Variants in IGF1R observed in about 807,000 individuals in gnomAD.
The protein encoded by IGF1R is insulin like growth factor 1 receptor.
Under a neutral mutation model 144.6 loss-of-function variants are expected in IGF1R, and 44 were observed. The ratio of observed to expected loss-of-function variants is 0.30; its 90% CI spans 0.24 to 0.39. The LOEUF is 0.39. IGF1R is among the 10% of genes least tolerant of loss of function. The pLI, the probability that IGF1R is intolerant of heterozygous loss-of-function variation, is 1.00. For synonymous variants in IGF1R, 795 were observed against 722.8 expected (o/e 1.10, Z -1.60); for missense variants, 1,355 against 1,833.7 (o/e 0.74, Z 4.77).
At chr15:98,710,536 G>C (rs1788797028) in intron 2 of IGF1R, among the ~76,000 whole-genome samples, 1 of 152,046 alleles carries the variant, frequency 6.6e-6, no homozygotes, top group African/African-American at 2.4e-5. Flanking sequence ...CCAAGACATA[G>C]TATAGCAAAA....
At chr15:98,931,223 G>T (rs1408664712) in intron 15 of IGF1R, among the ~76,000 whole-genome samples, 1 of 152,162 alleles carries the variant, frequency 6.6e-6, no homozygotes, top group Admixed American at 6.5e-5. Context: ...CTCAGGAGGG[G>T]CTGGACCGGA....
chr15:98,709,439 C>G (rs1449484200), intron 2 of IGF1R, among the ~76,000 whole-genome samples: 1 of 152,202 alleles, frequency 6.6e-6, no homozygotes, highest in Non-Finnish European at 1.5e-5. Context: ...TTGTAGAGCT[C>G]TGAGAATGCA....
At chr15:98,865,145 A>T (rs541167157) in intron 2 of IGF1R, among the ~76,000 whole-genome samples, 1 of 152,342 alleles carries the variant, frequency 6.6e-6, no homozygotes, top group Admixed American at 6.5e-5. Context: ...TTTGTGTACT[A>T]AGTATATACT....
intron 2 of IGF1R, among the ~76,000 whole-genome samples, chr15:98,764,102 A>G (rs1430191935): frequency 1.3e-5 from 2 of 152,254 alleles, no homozygotes; most frequent in Non-Finnish European, 2.9e-5. Context: ...ATAGACATTT[A>G]GTTTGCATAT....
chr15:98,938,720 T>C (rs1820215576), intron 17 of IGF1R, among the ~76,000 whole-genome samples: 1 of 152,238 alleles, frequency 6.6e-6, no homozygotes, highest in Non-Finnish European at 1.5e-5. Context: ...TTTATAACGA[T>C]GCTCTTATGG....
At chr15:98,877,361 C>G (rs2013110039) in intron 2 of IGF1R, among the ~76,000 whole-genome samples, 1 of 152,066 alleles carries the variant, frequency 6.6e-6, no homozygotes, top group African/African-American at 2.4e-5. Flanking sequence ...GTTAACGCCA[C>G]AGGTAATGCA....
chr15:98,834,068 T>C (rs2057050548), intron 2 of IGF1R, among the ~76,000 whole-genome samples: 1 of 152,228 alleles, frequency 6.6e-6, no homozygotes, highest in Admixed American at 6.5e-5. Flanking sequence ...AAAATCCTTC[T>C]TTACCCTTAA....
At chr15:98,898,848 C>T (rs565185759) in intron 4 of IGF1R, among the ~76,000 whole-genome samples, 38 of 151,480 alleles carry the variant, frequency 2.5e-4, no homozygotes, top group African/African-American at 8.9e-4. Context: ...TTATTAGCAA[C>T]TATTTTTCCA....
At position 98,960,082 on chromosome 15, in the gene IGF1R, T is replaced by C. The variant is rs1372602500; in HGVS notation, c.*2640T>C. 4.3e-6 allele frequency: 1 copy of C among 233,644 alleles called. No homozygotes were observed. The highest frequency in any genetic ancestry group is 6.0e-5 in the East Asian group (1 of 16,584). The allele number at this position is 233,644 out of a possible 1,614,324, so 14.5% of individuals were successfully genotyped here. A position where few individuals can be genotyped will look rare whatever the true frequency, so the allele number is the denominator to read the frequency against. On this transcript the variant is annotated 3_prime_UTR_variant, in exon 21 of 21. Transcript: ENST00000650285. ...TTATCTACCTCACTCTTATTTTTTA[T>C]ATGTGTATATAGACAAAAGAATACA...
chr15:98,929,684 C>G (rs2151701799), intron 14 of IGF1R, 24 bp downstream of exon 14: 1 of 1,466,356 alleles, frequency 6.8e-7, no homozygotes. Context: ...AAAGTTATGA[C>G]ACTTTCTGTG....
chr15:98,776,185 T>C (rs781743440), intron 2 of IGF1R, among the ~76,000 whole-genome samples: 1 of 150,696 alleles, frequency 6.6e-6, no homozygotes, highest in African/African-American at 2.4e-5. Context: ...TTATTATTTA[T>C]TTTTTTATTT....
At chr15:98,802,091 T>C (rs1567136022) in intron 2 of IGF1R, among the ~76,000 whole-genome samples, 1 of 152,146 alleles carries the variant, frequency 6.6e-6, no homozygotes, top group Non-Finnish European at 1.5e-5. Context: ...GTGCCACATC[T>C]GGGCTGTTGT....
rs1199812556 is a variant in IGF1R, at chr15:98,913,201, G to A, written c.1747G>A (p.Ala583Thr). Residue 583 changes from alanine to threonine, a missense_variant, in exon 8 of 21, where the codon GCT (alanine) becomes ACT (threonine). Ala to Thr is a moderately conservative substitution (Grantham distance 58). Around this residue, in one of 7 missense-constraint regions of IGF1R, gnomAD observed 880 missense variants for 1,202.7 expected, o/e 0.73. Transcript: ENST00000650285. ...GACTCAGTACGCCGTTTACGTCAAGGCTGTGACCCTCACCATGGTGGAGAA... is the reference window on the plus strand; with the variant it reads ...GACTCAGTACGCCGTTTACGTCAAGACTGTGACCCTCACCATGGTGGAGAA... ...PWTQYAVYVK[A>T]VTLTMVENDH... is the part of the protein sequence containing the mutation. 6.2e-7 allele frequency: 1 copy of A among 1,614,200 alleles called. No homozygotes were observed. Among genetic ancestry groups the A allele is most frequent in the Non-Finnish European group, 8.5e-7 (1 of 1,180,046 alleles).
chr15:98,737,963 C>T (rs1976668), intron 2 of IGF1R, among the ~76,000 whole-genome samples: 84,120 of 152,088 alleles, frequency 0.55, 24,262 homozygotes, highest in Non-Finnish European at 0.64. Context: ...CGCAGCCGTT[C>T]CCACTGCCTT....
chr15:98,695,422 C>A (rs1269338647), intron 1 of IGF1R, among the ~76,000 whole-genome samples: 1 of 152,178 alleles, frequency 6.6e-6, no homozygotes, highest in Non-Finnish European at 1.5e-5. Context: ...ATGCACCTGG[C>A]TGTAGCATCC....
At chr15:98,795,563 C>G (rs752470339) in intron 2 of IGF1R, among the ~76,000 whole-genome samples, 1 of 152,064 alleles carries the variant, frequency 6.6e-6, no homozygotes, top group African/African-American at 2.4e-5. Flanking sequence ...TGCAGGCACC[C>G]GCAACCACCC....
At chr15:98,944,344 G>A (rs138807467) in intron 19 of IGF1R, among the ~76,000 whole-genome samples, 1 of 152,316 alleles carries the variant, frequency 6.6e-6, no homozygotes, top group Non-Finnish European at 1.5e-5. Context: ...TGCCAATTCT[G>A]TCCATTTGGC....
chr15:98,901,088 C>A (rs1402748265), intron 5 of IGF1R, among the ~76,000 whole-genome samples: 1 of 152,140 alleles, frequency 6.6e-6, no homozygotes, highest in Non-Finnish European at 1.5e-5. Flanking sequence ...TTTTTATTTG[C>A]AAGAATATTT....
chr15:98,932,666 C>A (rs184650561), intron 15 of IGF1R, among the ~76,000 whole-genome samples: 1 of 152,158 alleles, frequency 6.6e-6, no homozygotes, highest in Non-Finnish European at 1.5e-5. Context: ...CTTTCTGAGG[C>A]GCATTGTGAA....
Sources: allele counts gnomAD v4.1 joint callset (sites outside exome capture counted in the v4.1 genomes callset), GRCh38; gene constraint gnomAD v4.1.1; regional missense constraint gnomAD v4.1.1; transcripts MANE v1.5; gene names NCBI Gene and HGNC (gene_info 2026-07-23, HGNC 2026-07-21).